The following TTYH1 variants were observed in gnomAD, a reference collection of about 807,000 sequenced individuals.
The protein encoded by TTYH1 is tweety family member 1.
Under a neutral mutation model 61.2 loss-of-function variants are expected in TTYH1, and 33 were observed. The ratio of observed to expected loss-of-function variants is 0.54; its 90% CI spans 0.41 to 0.72. The LOEUF (loss-of-function observed/expected upper bound fraction) is 0.72. TTYH1 is among the 30% of genes least tolerant of loss of function. The pLI is 0.00. For missense variants in TTYH1, 538 were observed against 575.8 expected, an observed-to-expected ratio of 0.93 and a Z score of 0.67; for synonymous variants, 308 against 266.4, an observed-to-expected ratio of 1.16 and a Z score of -1.52.
In TTYH1 at chr19:54,420,157, G is replaced by A. The variant is rs150483114; in HGVS notation, c.305+851G>A. On this transcript the variant is annotated intron_variant, in intron 2 of 13. Transcript: ENST00000376530. This position sits in a 1 kb window ranked among gnomAD's most constrained non-coding sequence, Gnocchi z 4.8. ...TGTGAACACACCAGCTACCAAGAAC[G>A]AGCTCTGAGCACAGCCCCCTCCCCG... Among the ~76,000 whole-genome samples the A allele has an allele frequency of 9.5e-3, 1,441 of 152,238 alleles. 26 individuals are homozygous for A. Among genetic ancestry groups the A allele is most frequent in the African/African-American group, 0.033 (1,374 of 41,538 alleles).
At chr19:54,425,201 A>G (rs893291056) in intron 4 of TTYH1, among the ~76,000 whole-genome samples, 1 of 152,176 alleles carries the variant, frequency 6.6e-6, no homozygotes, top group Non-Finnish European at 1.5e-5. Context: ...CACAGTGGAC[A>G]CCCTGCCGGA....
At position 54,426,786 on chromosome 19, in the gene TTYH1, G is replaced by A. The variant is rs777482976; in HGVS notation, c.734+18G>A. ...GTGATCGTGTAAGTGCAGGCAGTAG[G>A]GGGACCCAGTGCTTGCCTGGCACTC... On this transcript the variant is annotated intron_variant, in intron 5 of 13. Transcript: ENST00000376530. 6.2e-7 allele frequency: 1 copy of A among 1,609,926 alleles called. No individual in the cohort carries two copies. The highest frequency in any genetic ancestry group is 8.5e-7 in the Non-Finnish European group (1 of 1,177,616).
Position 54,436,412 on chromosome 19 carries a change from AGCCTGCACAGGACC to A in TTYH1, c.*127_*140del. ...ACCACTAACACTCTTGGCCATGGAC[AGCCTGCACAGGACC>A]GCCTCCCTGCTCTTGGCCACTGTGC... On this transcript the variant is annotated 3_prime_UTR_variant, in exon 14 of 14. Transcript: ENST00000376530. This position sits in a 1 kb window ranked among gnomAD's most constrained non-coding sequence, Gnocchi z 4.3. 1 of 1,609,524 alleles carries A rather than the reference AGCCTGCACAGGACC, an allele frequency of 6.2e-7. No individual in the cohort carries two copies. Among genetic ancestry groups the A allele is most frequent in the South Asian group, 1.1e-5 (1 of 91,000 alleles).
At position 54,415,829 on chromosome 19, in the gene TTYH1, TG is replaced by T; in HGVS notation, c.126+156del. ...TGGGGTTTCGGAGGGAGGAGGAGCC[TG>T]GGGGCGCCCATGCCTGGAGGTTCTC... On this transcript the variant is annotated intron_variant, in intron 1 of 13. Coordinates refer to ENST00000376530, the MANE Select transcript of TTYH1 (RefSeq NM_020659.4). This position sits in a 1 kb window ranked among gnomAD's most constrained non-coding sequence, Gnocchi z 5.2. 2.1e-6 allele frequency: 2 copies of T among 969,694 alleles called. No homozygotes were observed. The highest frequency in any genetic ancestry group is 2.9e-6 in the Non-Finnish European group (2 of 684,058). The allele number at this position is 969,694 out of a possible 1,614,324, so 60.1% of individuals were successfully genotyped here. A position where few individuals can be genotyped will look rare whatever the true frequency, so the allele number is the denominator to read the frequency against.
At position 54,430,914 on chromosome 19, in the gene TTYH1, G is replaced by C; in HGVS notation, c.1032+9G>C. 4 of 1,611,464 alleles carry C rather than the reference G, an allele frequency of 2.5e-6. No homozygotes were observed. The highest frequency in any genetic ancestry group is 3.4e-6 in the Non-Finnish European group (4 of 1,179,732). ...AGTTCCCTTCAGCGCAGGTCGGTGGGTGGGCGCTCCCCAGACACGCGGACC... is the reference window on the plus strand; with the variant it reads ...AGTTCCCTTCAGCGCAGGTCGGTGGCTGGGCGCTCCCCAGACACGCGGACC... On this transcript the variant is annotated intron_variant, in intron 9 of 13. Coordinates refer to ENST00000376530, the MANE Select transcript of TTYH1 (RefSeq NM_020659.4).
At chr19:54,430,486 TC>T (rs760531647) in intron 7 of TTYH1, 63 bp from the exon 8 acceptor site, 725 of 1,564,378 alleles carry the variant, frequency 4.6e-4, no homozygotes, top group Non-Finnish European at 5.8e-4. Flanking sequence ...TGCCCGGCCT[TC>T]CCCCGGGAGA....
Position 54,416,155 on chromosome 19 carries a change from T to A in TTYH1, c.126+477T>A. On this transcript the variant is annotated intron_variant, in intron 1 of 13. Coordinates refer to ENST00000376530, the MANE Select transcript of TTYH1 (RefSeq NM_020659.4). This position sits in a 1 kb window ranked among gnomAD's most constrained non-coding sequence, Gnocchi z 7.0. ...AACGCTGGCTGCTGCGGTGCTGGGA[T>A]GGGATTGAGAGTCTGAAATGGGGAA... 1 of 1,073,588 alleles carries A rather than the reference T, an allele frequency of 9.3e-7. No homozygotes were observed. Among genetic ancestry groups the A allele is most frequent in the Non-Finnish European group, 1.3e-6 (1 of 780,642 alleles). 66.5% of individuals were successfully genotyped at this position (1,073,588 alleles called of 1,614,324 possible). A position where few individuals can be genotyped will look rare whatever the true frequency, so the allele number is the denominator to read the frequency against.
At chr19:54,435,171 A>C in intron 10 of TTYH1, 4 of 210,636 alleles carry the variant, frequency 1.9e-5, no homozygotes, top group Admixed American at 5.4e-5. Context: ...GTTCCTGGGT[A>C]GATGAAGATG....
chr19:54,427,039 C>T (rs900158834), intron 5 of TTYH1, among the ~76,000 whole-genome samples: 1 of 152,008 alleles, frequency 6.6e-6, no homozygotes, highest in Admixed American at 6.6e-5. Context: ...TGGCTCACAC[C>T]TGTAATCCCA....
intron 11 of TTYH1, 68 bp from the exon 12 acceptor site, chr19:54,435,760 G>A: frequency 6.2e-7 from 1 of 1,612,816 alleles, no homozygotes; most frequent in Non-Finnish European, 8.5e-7. Context: ...TGGCAGTGGG[G>A]GTGGGGGGTG....
At position 54,430,591 on chromosome 19, in the gene TTYH1, A is replaced by G; in HGVS notation, c.925A>G (p.Asn309Asp). The G allele has an allele frequency of 1.2e-6, 2 of 1,613,798 alleles. No homozygotes were observed. The highest frequency in any genetic ancestry group is 2.2e-5 in the South Asian group (2 of 91,076). ...YYLLCNRAVS[N>D]PFQQRLTLSQ... ...TCTCCTCTGCAACCGGGCCGTCTCC[A>G]ACCCCTTCCAACAGGTTAGGGCTGC... Residue 309 changes from asparagine to aspartate, a missense_variant, in exon 8 of 14, where the codon AAC becomes GAC. Asn to Asp is a conservative substitution (Grantham distance 23, BLOSUM62 1). This residue lies in a region of TTYH1 where 378 missense variants were observed against 401.2 expected (regional missense o/e 0.94). Coordinates refer to ENST00000376530, the MANE Select transcript of TTYH1 (RefSeq NM_020659.4).
chr19:54,429,218 G>A lies in TTYH1; in HGVS notation c.735-89G>A. On this transcript the variant is annotated intron_variant, in intron 5 of 13. Transcript: ENST00000376530. This position sits in a 1 kb window ranked among gnomAD's most constrained non-coding sequence, Gnocchi z 5.1. ...CAGGCTCCAGAGGTGGGTGGAGGTG[G>A]GGGGCGGCTGTGATGGGATTTGGGG... is the stretch of plus-strand genomic sequence containing the variant. 8.2e-7 allele frequency: 1 copy of A among 1,216,586 alleles called. No homozygotes were observed. Among genetic ancestry groups the A allele is most frequent in the Non-Finnish European group, 1.2e-6 (1 of 825,382 alleles). The allele number at this position is 1,216,586 out of a possible 1,614,324, so 75.4% of individuals were successfully genotyped here.
intron 1 of TTYH1, chr19:54,418,503 TTTCTG>T (rs1248081866): frequency 6.6e-6 from 1 of 152,468 alleles, no homozygotes; most frequent in Non-Finnish European, 1.5e-5. Flanking sequence ...TCTCTCTCTC[TTTCTG>T]TTCTGTCTTC....
Position 54,421,222 on chromosome 19 carries a change from TG to T in TTYH1, c.306-53del. ...GAGGGGATGGGGTGGGAGGGGACGGTGGCCCCCGGGGTCCTGGGACCCGCTG... is the reference window on the plus strand; with the variant it reads ...GAGGGGATGGGGTGGGAGGGGACGGTGCCCCCGGGGTCCTGGGACCCGCTG... On this transcript the variant is annotated intron_variant, in intron 2 of 13. Coordinates refer to ENST00000376530, the MANE Select transcript of TTYH1 (RefSeq NM_020659.4). This position sits in a 1 kb window ranked among gnomAD's most constrained non-coding sequence, Gnocchi z 4.8. The T allele has an allele frequency of 1.7e-6, 2 of 1,205,910 alleles. No individual in the cohort carries two copies. Among genetic ancestry groups the T allele is most frequent in the Non-Finnish European group, 2.5e-6 (2 of 812,430 alleles). 74.7% of individuals were successfully genotyped at this position (1,205,910 alleles called of 1,614,324 possible).
At position 54,436,211 on chromosome 19, in the gene TTYH1, C is replaced by T. The variant is rs201725059; in HGVS notation, c.*42+40C>T. The T allele has an allele frequency of 1.8e-4, 286 of 1,606,606 alleles. 1 individual carries two copies. The East Asian group carries it at 4.8e-3, about 27-fold the overall frequency. ...GCCACCCCAGCTCCTGCAGCCGGGC[C>T]TCTGCCCCCCTCCCGCCCTCCGAGC... On this transcript the variant is annotated intron_variant, in intron 13 of 13. Transcript: ENST00000376530. The surrounding 1 kb of genome is among the most constrained non-coding windows in gnomAD (Gnocchi z 4.3).
At chr19:54,422,898 C>T (rs148561699) in intron 4 of TTYH1, among the ~76,000 whole-genome samples, 1,466 of 139,022 alleles carry the variant, frequency 0.011, 19 homozygotes, top group African/African-American at 0.037. Flanking sequence ...CATTGCACTC[C>T]AGCCTGGGCG....
chr19:54,424,741 A>C lies in TTYH1; in HGVS notation c.639-1932A>C, dbSNP rs545129629. 1.7e-4 allele frequency among the ~76,000 whole-genome samples: 26 copies of C among 152,316 alleles called. 1 individual carries two copies. In the South Asian group the frequency reaches 5.4e-3, roughly 32 times the overall value. ...TCGACAGACAAATCAGGGGCCTCCA[A>C]GGGAGTCTTGCTGGAGGGGAGCACT... On this transcript the variant is annotated intron_variant, in intron 4 of 13. Coordinates refer to ENST00000376530, the MANE Select transcript of TTYH1 (RefSeq NM_020659.4).
At chr19:54,424,779 C>T (rs188054209) in intron 4 of TTYH1, among the ~76,000 whole-genome samples, 26 of 152,308 alleles carry the variant, frequency 1.7e-4, no homozygotes, top group African/African-American at 5.5e-4. Context: ...CGAGGCTGGG[C>T]GGAAGCAGCC....
chr19:54,427,859 C>A (rs2083359981), intron 5 of TTYH1, among the ~76,000 whole-genome samples: 1 of 152,146 alleles, frequency 6.6e-6, no homozygotes, highest in Non-Finnish European at 1.5e-5. Context: ...CTCTGCACTC[C>A]CTGGAGCACC....
Sources: gnomAD v4.1 joint callset for allele counts (sites outside exome capture counted in the v4.1 genomes callset) on GRCh38, gnomAD v4.1.1 for gene constraint, gnomAD v4.1.1 regional missense constraint, Gnocchi (gnomAD v3.1) non-coding constraint, MANE v1.5 for transcripts, NCBI Gene and HGNC (gene_info 2026-07-23, HGNC 2026-07-21) for gene names.